Variants in GALNTL6 observed in about 807,000 individuals in gnomAD.
GALNTL6 encodes polypeptide N-acetylgalactosaminyltransferase like 6.
A neutral mutation model predicts 73.7 loss-of-function variants in GALNTL6; 46 were observed. That is an observed-to-expected ratio of 0.62 (90% CI 0.49 to 0.80). The LOEUF is 0.80. Among genes scored for constraint, GALNTL6 ranks in the 30% least tolerant of loss-of-function variants. The probability of loss-of-function intolerance (pLI) is 0.00; values close to 1 mark genes in which losing one functional copy is unlikely to be tolerated. For synonymous variants in GALNTL6, 259 were observed against 263.7 expected, an observed-to-expected ratio of 0.98 and a Z score of 0.17; for missense variants, 604 against 755.0, an observed-to-expected ratio of 0.80 and a Z score of 2.34.
chr4:172,219,448 A>G (rs537862411), intron 2 of GALNTL6, among the ~76,000 whole-genome samples: 2 of 151,632 alleles, frequency 1.3e-5, no homozygotes, highest in South Asian at 4.1e-4. Flanking sequence ...TCCTATATTT[A>G]TGTTCTATAA....
chr4:172,693,134 T>C (rs1347218430), intron 5 of GALNTL6, among the ~76,000 whole-genome samples: 1 of 152,226 alleles, frequency 6.6e-6, no homozygotes, highest in African/African-American at 2.4e-5. Flanking sequence ...AGAGGGTATA[T>C]GACCTCAAAT....
chr4:172,407,865 C>T (rs937222797), intron 5 of GALNTL6, among the ~76,000 whole-genome samples: 5 of 151,970 alleles, frequency 3.3e-5, no homozygotes, highest in Non-Finnish European at 7.4e-5. Context: ...TTATAAGCAG[C>T]GGGTAGCCTA....
chr4:172,862,543 C>T (rs1378626489), intron 7 of GALNTL6, among the ~76,000 whole-genome samples: 8 of 151,950 alleles, frequency 5.3e-5, no homozygotes, highest in African/African-American at 1.7e-4. Flanking sequence ...ATCAAAAATA[C>T]AAAAAACTTA....
intron 4 of GALNTL6, among the ~76,000 whole-genome samples, chr4:172,342,683 A>G (rs1454063706): frequency 7.9e-5 from 12 of 152,172 alleles, no homozygotes; most frequent in Non-Finnish European, 2.9e-5. Context: ...TCATTTTTCC[A>G]TTAAATTTTG....
At chr4:172,836,061 G>A (rs528302311) in intron 7 of GALNTL6, among the ~76,000 whole-genome samples, 1 of 152,218 alleles carries the variant, frequency 6.6e-6, no homozygotes, top group South Asian at 2.1e-4. Context: ...TGCCTGGCAG[G>A]GCAATGGCAG....
chr4:171,921,623 C>A (rs1737790088), intron 2 of GALNTL6, among the ~76,000 whole-genome samples: 1 of 152,036 alleles, frequency 6.6e-6, no homozygotes, highest in Non-Finnish European at 1.5e-5. Context: ...ACAGCCAAAA[C>A]AAAGCTATGA....
chr4:172,256,665 A>G (rs1032764307), intron 3 of GALNTL6, among the ~76,000 whole-genome samples: 14 of 151,024 alleles, frequency 9.3e-5, no homozygotes, highest in Non-Finnish European at 1.2e-4. Context: ...TCTTTTCTCT[A>G]CCCAGAATAT....
At chr4:171,953,127 A>T (rs1738932446) in intron 2 of GALNTL6, among the ~76,000 whole-genome samples, 1 of 152,194 alleles carries the variant, frequency 6.6e-6, no homozygotes, top group African/African-American at 2.4e-5. Flanking sequence ...AAAAGGGCTA[A>T]AAAATTATGG....
At chr4:172,038,304 C>G (rs1423105085) in intron 2 of GALNTL6, among the ~76,000 whole-genome samples, 2 of 149,374 alleles carry the variant, frequency 1.3e-5, no homozygotes, top group Middle Eastern at 3.4e-3. Flanking sequence ...TCCTAAACAT[C>G]GGTATTTGTG....
intron 5 of GALNTL6, among the ~76,000 whole-genome samples, chr4:172,620,718 G>A (rs1362653381): frequency 6.6e-6 from 1 of 152,176 alleles, no homozygotes; most frequent in Non-Finnish European, 1.5e-5. Flanking sequence ...GTGTTGCAGA[G>A]AGGGTCTGTC....
intron 5 of GALNTL6, among the ~76,000 whole-genome samples, chr4:172,470,311 C>T (rs549981819): frequency 1.3e-5 from 2 of 152,272 alleles, no homozygotes; most frequent in South Asian, 4.1e-4. Context: ...CCAAAGGTCA[C>T]ACTTAACTAG....
Position 172,288,609 on chromosome 4 carries a change from C to T in GALNTL6, c.248-23005C>T, listed in dbSNP as rs114858298. Among the ~76,000 whole-genome samples the T allele has an allele frequency of 4.4e-3, 663 of 152,174 alleles. 7 individuals carry two copies. Among genetic ancestry groups the T allele is most frequent in the African/African-American group, 0.015 (627 of 41,514 alleles). On this transcript the variant is annotated intron_variant, in intron 3 of 12. Coordinates refer to ENST00000506823, the MANE Select transcript of GALNTL6 (RefSeq NM_001034845.3). ...GTTTCCCTAGTTATAAAGCAGTTTC[C>T]ATATGAACTGGAAGCATATATGTTT...
At chr4:173,036,288 T>C (rs1283515110) in intron 12 of GALNTL6, among the ~76,000 whole-genome samples, 1 of 152,228 alleles carries the variant, frequency 6.6e-6, no homozygotes, top group African/African-American at 2.4e-5. Flanking sequence ...TTGGTTCTTT[T>C]ATGACCAGTG....
intron 5 of GALNTL6, among the ~76,000 whole-genome samples, chr4:172,600,429 G>T (rs939321132): frequency 2.4e-4 from 36 of 152,212 alleles, no homozygotes; most frequent in African/African-American, 7.9e-4. Flanking sequence ...GAGAAGACTT[G>T]CTGAATTGAA....
Position 172,738,926 on chromosome 4 carries a change from T to A in GALNTL6, c.554-70435T>A, listed in dbSNP as rs185360955. Among the ~76,000 whole-genome samples the A allele has an allele frequency of 1.6e-3, 250 of 152,292 alleles. 1 individual carries two copies. The highest frequency in any genetic ancestry group is 2.5e-3 in the Non-Finnish European group (171 of 68,012). On this transcript the variant is annotated intron_variant, in intron 5 of 12. Coordinates refer to ENST00000506823, the MANE Select transcript of GALNTL6 (RefSeq NM_001034845.3). ...TGAAAGAGTTATCAGTAGAAATAAA[T>A]GTCTGGGTTATGATAAGAGGTTGTA...
chr4:172,170,871 T>C (rs1734798031), intron 2 of GALNTL6, among the ~76,000 whole-genome samples: 1 of 152,192 alleles, frequency 6.6e-6, no homozygotes, highest in Non-Finnish European at 1.5e-5. Context: ...AAATGAGGCA[T>C]TTCTGCCTAC....
chr4:171,878,287 G>A (rs79344845), intron 2 of GALNTL6, among the ~76,000 whole-genome samples: 1,880 of 152,278 alleles, frequency 0.012, 17 homozygotes, highest in Admixed American at 0.021. Flanking sequence ...AGTAAACCAG[G>A]ACAAATAGTA....
At chr4:172,037,266 A>G (rs897587349) in intron 2 of GALNTL6, among the ~76,000 whole-genome samples, 2 of 152,192 alleles carry the variant, frequency 1.3e-5, no homozygotes, top group East Asian at 3.8e-4. Context: ...AAAAAAATCA[A>G]TAAACTGCTG....
At chr4:171,954,093 G>A (rs955204831) in intron 2 of GALNTL6, among the ~76,000 whole-genome samples, 3 of 152,076 alleles carry the variant, frequency 2.0e-5, no homozygotes, top group African/African-American at 4.8e-5. Context: ...TTTGATTGAA[G>A]CACATACGCT....
Sources: gnomAD v4.1 joint callset for allele counts (sites outside exome capture counted in the v4.1 genomes callset) on GRCh38, gnomAD v4.1.1 for gene constraint, MANE v1.5 for transcripts, NCBI Gene and HGNC (gene_info 2026-07-23, HGNC 2026-07-21) for gene names.